The following ROR1 variants were observed in gnomAD, a reference collection of about 807,000 sequenced individuals.
ROR1 encodes the protein ROR family WNT receptor 1.
Under a neutral mutation model 78.8 loss-of-function variants are expected in ROR1, and 19 were observed. That is an observed-to-expected ratio of 0.24 (90% CI 0.17 to 0.35). The LOEUF (loss-of-function observed/expected upper bound fraction) is 0.35. ROR1 is among the 10% of genes least tolerant of loss of function. The pLI is 1.00. For synonymous variants in ROR1, 386 were observed against 433.6 expected, an observed-to-expected ratio of 0.89 and a Z score of 1.36; for missense variants, 917 against 1,177.8, an observed-to-expected ratio of 0.78 and a Z score of 3.24.
intron 1 of ROR1, among the ~76,000 whole-genome samples, chr1:63,992,083 TAAAA>T (rs1646300602): frequency 6.6e-6 from 1 of 152,042 alleles, no homozygotes; most frequent in Admixed American, 6.6e-5. Flanking sequence ...TTTATGAACT[TAAAA>T]AAACCCGACA....
intron 4 of ROR1, among the ~76,000 whole-genome samples, chr1:64,054,109 G>A (rs566797276): frequency 5.4e-4 from 82 of 151,946 alleles, no homozygotes; most frequent in Middle Eastern, 6.8e-3. Context: ...ACGCACTACC[G>A]TGCCTGGCAA....
intron 1 of ROR1, among the ~76,000 whole-genome samples, chr1:63,806,507 C>T (rs534544186): frequency 5.3e-5 from 8 of 152,136 alleles, no homozygotes; most frequent in African/African-American, 1.2e-4. Context: ...TTAGTAGAGA[C>T]GGAGTTTCAC....
intron 4 of ROR1, among the ~76,000 whole-genome samples, chr1:64,100,194 A>T (rs1647469714): frequency 6.6e-6 from 1 of 151,894 alleles, no homozygotes. Context: ...TTTTTAAAAA[A>T]AAGTTGACCA....
intron 8 of ROR1, among the ~76,000 whole-genome samples, chr1:64,164,373 CAA>C (rs1569874841): frequency 6.6e-6 from 1 of 152,122 alleles, no homozygotes; most frequent in South Asian, 2.1e-4. Flanking sequence ...AGTGTAGAGA[CAA>C]AGAGATATGA....
At chr1:63,788,821 T>TG in intron 1 of ROR1, 1 of 646,766 alleles carries the variant, frequency 1.5e-6, no homozygotes. Context: ...CTTAGACCTC[T>TG]GGGCCTCAAC....
At chr1:63,816,647 C>T (rs768432037) in intron 1 of ROR1, among the ~76,000 whole-genome samples, 3 of 152,100 alleles carry the variant, frequency 2.0e-5, no homozygotes, top group South Asian at 2.1e-4. Flanking sequence ...TCTTTAGCCT[C>T]GGTTTCTTTG....
chr1:63,805,375 T>C (rs1441623334), intron 1 of ROR1, among the ~76,000 whole-genome samples: 1 of 152,168 alleles, frequency 6.6e-6, no homozygotes, highest in African/African-American at 2.4e-5. Context: ...CTCATCCTTT[T>C]AAAATGGAGA....
chr1:64,044,269 C>T (rs1302428731), intron 2 of ROR1, among the ~76,000 whole-genome samples: 4 of 152,154 alleles, frequency 2.6e-5, no homozygotes, highest in East Asian at 1.9e-4. Context: ...GTGATGGAAA[C>T]AGCGCTGGGC....
chr1:64,016,920 A>AT (rs138925670), intron 2 of ROR1, among the ~76,000 whole-genome samples: 16 of 148,670 alleles, frequency 1.1e-4, no homozygotes, highest in African/African-American at 1.5e-4. Context: ...AGGGATTATT[A>AT]TTTTTTTTTT....
intron 1 of ROR1, among the ~76,000 whole-genome samples, chr1:63,810,825 A>G (rs1644856172): frequency 1.3e-5 from 2 of 152,222 alleles, no homozygotes; most frequent in Non-Finnish European, 1.5e-5. Context: ...ATGGCCTGAT[A>G]TGCTTGCTAG....
chr1:64,136,355 A>ATT (rs561354647), intron 4 of ROR1, among the ~76,000 whole-genome samples: 186 of 137,998 alleles, frequency 1.3e-3, no homozygotes, highest in African/African-American at 4.2e-3. Flanking sequence ...AAAACGGTGT[A>ATT]TTTTTTTTTT....
intron 1 of ROR1, among the ~76,000 whole-genome samples, chr1:63,824,257 C>T (rs1200488333): frequency 6.6e-6 from 1 of 152,070 alleles, no homozygotes; most frequent in Non-Finnish European, 1.5e-5. Flanking sequence ...CTTTGCAGGC[C>T]ATATAGACTC....
chr1:63,989,960 A>T (rs1257450021), intron 1 of ROR1, among the ~76,000 whole-genome samples: 1 of 152,048 alleles, frequency 6.6e-6, no homozygotes, highest in African/African-American at 2.4e-5. Flanking sequence ...TTGATGTCTA[A>T]AGCACTTGCT....
chr1:64,116,387 G>A (rs1185711798), intron 4 of ROR1, among the ~76,000 whole-genome samples: 1 of 152,140 alleles, frequency 6.6e-6, no homozygotes, highest in South Asian at 2.1e-4. Flanking sequence ...TTTCCAAAGG[G>A]GAAGCTTTAC....
chr1:63,903,228 G>A (rs558321963), intron 1 of ROR1, among the ~76,000 whole-genome samples: 4 of 152,192 alleles, frequency 2.6e-5, no homozygotes, highest in South Asian at 4.2e-4. Context: ...AAACTTAATC[G>A]GCAGTTAGCT....
intron 7 of ROR1, among the ~76,000 whole-genome samples, chr1:64,154,870 G>A (rs1649729700): frequency 6.6e-6 from 1 of 152,078 alleles, no homozygotes; most frequent in Non-Finnish European, 1.5e-5. Flanking sequence ...TGCATTGGAG[G>A]TGTCCATTAC....
In ROR1 at chr1:64,044,172, C is replaced by T. The variant is rs112018275; in HGVS notation, c.164-5519C>T. The stretch of plus-strand genomic sequence containing the variant: ...AGCCACTCTGCTCTCTGACTCATAC[C>T]GTTCAGGGCCTGAGCTAACCCATTT... On this transcript the variant is annotated intron_variant, in intron 2 of 8. Transcript: ENST00000371079. Among the ~76,000 whole-genome samples, 586 of 152,276 alleles carry T rather than the reference C, an allele frequency of 3.8e-3. 7 individuals are homozygous for T. Among genetic ancestry groups the T allele is most frequent in the African/African-American group, 0.013 (557 of 41,566 alleles).
chr1:63,892,504 C>T (rs917783012), intron 1 of ROR1, among the ~76,000 whole-genome samples: 1 of 152,134 alleles, frequency 6.6e-6, no homozygotes, highest in East Asian at 1.9e-4. Context: ...TGAGCTGTAA[C>T]TATGTTTATT....
At chr1:64,104,095 C>G (rs898391645) in intron 4 of ROR1, among the ~76,000 whole-genome samples, 10 of 152,136 alleles carry the variant, frequency 6.6e-5, no homozygotes, top group Non-Finnish European at 1.0e-4. Flanking sequence ...AAACTCTGCA[C>G]TAGGCTATAT....
Sources: allele counts gnomAD v4.1 joint callset (sites outside exome capture counted in the v4.1 genomes callset), GRCh38; gene constraint gnomAD v4.1.1; transcripts MANE v1.5; gene names NCBI Gene and HGNC (gene_info 2026-07-23, HGNC 2026-07-21).